The following GOLGA6L9 variants were observed in gnomAD, a reference collection of about 807,000 sequenced individuals.
GOLGA6L9 encodes the protein golgin subfamily A member 6-like protein 9.
In GOLGA6L9, 19 loss-of-function variants were observed where a neutral mutation model predicts 51.3. That is an observed-to-expected ratio of 0.37 (90% confidence interval 0.26 to 0.54). The LOEUF is 0.54. GOLGA6L9 is among the 20% of genes least tolerant of loss of function. GOLGA6L9 has a pLI of 0.83. For missense variants in GOLGA6L9, 247 were observed against 464.1 expected, an observed-to-expected ratio of 0.53 and a Z score of 4.30; for synonymous variants, 97 against 184.2, an observed-to-expected ratio of 0.53 and a Z score of 3.83.
rs2031511187 is a variant in GOLGA6L9, at chr15:82,433,568, A to G, written c.352A>G (p.Thr118Ala). Residue 118 changes from threonine to alanine, a missense_variant, in exon 5 of 9, where the codon ACA (threonine) becomes GCA (alanine). Physicochemically the swap from Thr to Ala is moderately conservative, Grantham distance 58. Around this residue, in one of 9 missense-constraint regions of GOLGA6L9, gnomAD observed 74 missense variants for 91.2 expected, o/e 0.81. Coordinates refer to ENST00000618348, the MANE Select transcript of GOLGA6L9 (RefSeq NM_198181.4). ...LTENINSLVR[T>A]SKEEKKHEIH... ...CCCCCTTTGCTTTGGGCAGGTTCGC[A>G]CATCTAAGGAGGAGAAGAAGCATGA... 3.2e-6 allele frequency: 3 copies of G among 950,746 alleles called. 1 individual carries two copies. The highest frequency in any genetic ancestry group is 4.5e-6 in the Non-Finnish European group (3 of 671,536). The allele number at this position is 950,746 out of a possible 1,614,324, so 58.9% of individuals were successfully genotyped here.
chr15:82,420,063 T>A, the GOLGA6L9 span: 1 of 411,418 alleles, frequency 2.4e-6, no homozygotes, highest in Non-Finnish European at 4.9e-6. Flanking sequence ...GAGTGCAGCT[T>A]GGAGCAAAGA....
intron 2 of GOLGA6L9, chr15:82,432,357 G>A: frequency 1.1e-6 from 1 of 914,122 alleles, no homozygotes; most frequent in Non-Finnish European, 1.6e-6. Context: ...CTTGCCATCA[G>A]GCTGTCCCTT....
At chr15:82,433,420 A>T (rs2031502262) in intron 4 of GOLGA6L9, 142 bp from the exon 5 acceptor site, 2 of 629,382 alleles carry the variant, frequency 3.2e-6, no homozygotes, top group East Asian at 5.4e-5. Context: ...TGGCCTGTAC[A>T]TGCTCAGTAA....
chr15:82,416,404 T>C, the GOLGA6L9 span, among the ~76,000 whole-genome samples: 2 of 151,986 alleles, frequency 1.3e-5, no homozygotes, highest in Admixed American at 1.3e-4. Flanking sequence ...GGAGTAACAG[T>C]AAAGAAACTG....
Position 82,438,551 on chromosome 15 carries a change from G to C in GOLGA6L9, c.*2140G>C, listed in dbSNP as rs1012182805. 3 of 147,724 alleles carry C rather than the reference G, an allele frequency of 2.0e-5. No homozygotes were observed. Among genetic ancestry groups the C allele is most frequent in the Non-Finnish European group, 4.5e-5 (3 of 66,682 alleles). The allele number at this position is 147,724 out of a possible 1,614,324, so 9.2% of individuals were successfully genotyped here. ...TTCAGTATAAGGCAGCCTTTAATTT[G>C]CTTAGAAGGCAACATTAGAAGGTTA... is the stretch of plus-strand genomic sequence containing the variant. On this transcript the variant is annotated 3_prime_UTR_variant, in exon 9 of 9. Coordinates refer to ENST00000618348, the MANE Select transcript of GOLGA6L9 (RefSeq NM_198181.4).
upstream of GOLGA6L9, among the ~76,000 whole-genome samples, chr15:82,429,056 T>C (rs1489614002): frequency 6.6e-6 from 1 of 152,086 alleles, no homozygotes; most frequent in African/African-American, 2.4e-5. Context: ...TGTTCCTACT[T>C]ATTTTGTATC....
chr15:82,435,755 C>T, intron 7 of GOLGA6L9: 1 of 384,346 alleles, frequency 2.6e-6, no homozygotes, highest in Non-Finnish European at 4.4e-6. Flanking sequence ...CTGTGGCCTA[C>T]AGTTTACATG....
the GOLGA6L9 span, among the ~76,000 whole-genome samples, chr15:82,418,301 G>A: frequency 6.6e-6 from 1 of 152,268 alleles, no homozygotes; most frequent in East Asian, 1.9e-4. Flanking sequence ...AAGTCTTCTG[G>A]GGGGAAATAC....
intron 2 of GOLGA6L9, 96 bp from the exon 3 acceptor site, chr15:82,432,476 A>C: frequency 6.7e-7 from 1 of 1,484,432 alleles, no homozygotes; most frequent in Non-Finnish European, 9.0e-7. Flanking sequence ...GGCAGAAAAG[A>C]AGCTTTTGCC....
rs1238792098 is a variant in GOLGA6L9 at position 82,437,704 on chromosome 15, G to C, written c.*1293G>C. 6.8e-6 allele frequency: 1 copy of C among 148,034 alleles called. No individual in the cohort carries two copies. Among genetic ancestry groups the C allele is most frequent in the Non-Finnish European group, 1.5e-5 (1 of 66,966 alleles). The allele number at this position is 148,034 out of a possible 1,614,324, so 9.2% of individuals were successfully genotyped here. A position where few individuals can be genotyped will look rare whatever the true frequency, so the allele number is the denominator to read the frequency against. On this transcript the variant is annotated 3_prime_UTR_variant, in exon 9 of 9. Coordinates refer to ENST00000618348, the MANE Select transcript of GOLGA6L9 (RefSeq NM_198181.4). Reference sequence around the variant, plus strand: ...CATTATTATAAACTAATATATGTGAGAGTACTTAGTTGAAACAAAAAGGAG... The same window carrying C: ...CATTATTATAAACTAATATATGTGACAGTACTTAGTTGAAACAAAAAGGAG...
Position 82,429,876 on chromosome 15 carries a change from G to A in GOLGA6L9, c.-204G>A. On this transcript the variant is annotated 5_prime_UTR_variant, in exon 1 of 9. It removes an upstream start codon present in the reference 5' UTR. Transcript: ENST00000618348. ...TTGCATGGGCAGCTTTCCTTATGAT[G>A]CTACAGGTCCCTCTGGACATGCTGC... is the stretch of plus-strand genomic sequence containing the variant. The A allele has an allele frequency of 2.7e-6, 2 of 750,232 alleles. No homozygotes were observed. Among genetic ancestry groups the A allele is most frequent in the South Asian group, 1.5e-5 (1 of 65,274 alleles). The allele number at this position is 750,232 out of a possible 1,614,324, so 46.5% of individuals were successfully genotyped here.
the GOLGA6L9 span, among the ~76,000 whole-genome samples, chr15:82,417,058 G>C: frequency 6.6e-6 from 1 of 152,110 alleles, no homozygotes; most frequent in South Asian, 2.1e-4. Flanking sequence ...TTCTGTCTCT[G>C]TAGATTTGCC....
chr15:82,432,784 T>C, intron 3 of GOLGA6L9, 33 bp from the exon 4 acceptor site: 1 of 1,534,624 alleles, frequency 6.5e-7, no homozygotes, highest in Non-Finnish European at 9.0e-7. Flanking sequence ...CCCACAATCT[T>C]TCTCCAACTC....
upstream of GOLGA6L9, among the ~76,000 whole-genome samples, chr15:82,427,306 CCT>C (rs1158303861): frequency 0.18 from 25,849 of 142,212 alleles, 3,312 homozygotes; most frequent in African/African-American, 0.4. Flanking sequence ...TCCCTCCCTC[CCT>C]CTCTTTCTTT....
chr15:82,418,298 C>CT, the GOLGA6L9 span, among the ~76,000 whole-genome samples: 12 of 152,096 alleles, frequency 7.9e-5, no homozygotes, highest in Non-Finnish European at 1.6e-4. Flanking sequence ...GGCAAGTCTT[C>CT]TGGGGGGAAA....
chr15:82,432,011 G>A (rs2031423136), intron 2 of GOLGA6L9, 62 bp downstream of exon 2: 1 of 1,307,790 alleles, frequency 7.6e-7, no homozygotes, highest in East Asian at 3.6e-5. Context: ...GAGGGTAATT[G>A]TTAAGATTGT....
At chr15:82,420,432 T>C in the GOLGA6L9 span, among the ~76,000 whole-genome samples, 67 of 152,096 alleles carry the variant, frequency 4.4e-4, no homozygotes, top group Admixed American at 3.2e-3. Context: ...TGATGAACTT[T>C]TATGTGCTAG....
At chr15:82,419,791 G>A in the GOLGA6L9 span, among the ~76,000 whole-genome samples, 1 of 152,164 alleles carries the variant, frequency 6.6e-6, no homozygotes, top group African/African-American at 2.4e-5. Context: ...TTCATGTTGG[G>A]CACTTAGAAC....
rs2031355466 is a variant in GOLGA6L9, at chr15:82,430,004, G to A, written c.-76G>A. ...TGCGTTCCATTGGTGCCCTGGTTAC[G>A]CCACCTGTGGCTCAGTTGCACAGCT... is the stretch of plus-strand genomic sequence containing the variant. On this transcript the variant is annotated 5_prime_UTR_variant, in exon 1 of 9. Coordinates refer to ENST00000618348, the MANE Select transcript of GOLGA6L9 (RefSeq NM_198181.4). 6.6e-5 allele frequency: 51 copies of A among 768,130 alleles called. No individual in the cohort carries two copies. The highest frequency in any genetic ancestry group is 1.2e-4 in the East Asian group (5 of 40,862). 47.6% of individuals were successfully genotyped at this position (768,130 alleles called of 1,614,324 possible).
Sources: gnomAD v4.1 joint callset for allele counts (sites outside exome capture counted in the v4.1 genomes callset) on GRCh38, gnomAD v4.1.1 for gene constraint, gnomAD v4.1.1 regional missense constraint, MANE v1.5 for transcripts, NCBI Gene and HGNC (gene_info 2026-07-23, HGNC 2026-07-21) for gene names.